The following CACNA1D variants were observed in gnomAD, a reference collection of about 807,000 sequenced individuals.
CACNA1D encodes the protein calcium voltage-gated channel subunit alpha1 D, also known as voltage-dependent L-type calcium channel subunit alpha-1D.
In CACNA1D, 55 loss-of-function variants were observed where a neutral mutation model predicts 257.1. The ratio of observed to expected loss-of-function variants is 0.21; its 90% CI spans 0.17 to 0.27. The LOEUF is 0.27. Among genes scored for constraint, CACNA1D ranks in the 10% least tolerant of loss-of-function variants. CACNA1D has a pLI of 1.00. For missense variants in CACNA1D, 1,876 were observed against 2,784.0 expected (o/e 0.67, Z 7.34); for synonymous variants, 980 against 1,014.9 (o/e 0.97, Z 0.65).
chr3:53,506,398 G>A (rs1255581291), intron 3 of CACNA1D, among the ~76,000 whole-genome samples: 1 of 152,160 alleles, frequency 6.6e-6, no homozygotes, highest in Admixed American at 6.5e-5. Context: ...TCTGCTCATG[G>A]GCTGTGGGGT....
At chr3:53,528,829 A>G (rs1163370549) in intron 3 of CACNA1D, among the ~76,000 whole-genome samples, 2 of 152,164 alleles carry the variant, frequency 1.3e-5, no homozygotes. Context: ...GTATATGGAA[A>G]CATGCTTGAT....
In CACNA1D at chr3:53,800,064, C is replaced by A. The variant is rs59191645; in HGVS notation, c.4924-185C>A. On this transcript the variant is annotated intron_variant, in intron 40 of 47. Transcript: ENST00000350061. The surrounding 1 kb of genome is among the most constrained non-coding windows in gnomAD (Gnocchi z 4.3). ...CATCCTACCTAGGACCTTCTTGACC[C>A]TCTGGATGCCTGACCATACCAACAA... The A allele has an allele frequency of 0.051, 35,499 of 698,990 alleles. 3,221 individuals are homozygous for A. Among genetic ancestry groups the A allele is most frequent in the African/African-American group, 0.31 (17,790 of 57,206 alleles). 43.3% of individuals were successfully genotyped at this position (698,990 alleles called of 1,614,324 possible). A position where few individuals can be genotyped will look rare whatever the true frequency, so the allele number is the denominator to read the frequency against.
At chr3:53,534,714 A>G (rs150352711) in intron 3 of CACNA1D, among the ~76,000 whole-genome samples, 1 of 151,814 alleles carries the variant, frequency 6.6e-6, no homozygotes, top group African/African-American at 2.4e-5. Context: ...ATTTCTTTTT[A>G]CTCCAAGCAT....
chr3:53,805,436 A>C (rs1185033304), intron 45 of CACNA1D, among the ~76,000 whole-genome samples: 1 of 152,158 alleles, frequency 6.6e-6, no homozygotes, highest in African/African-American at 2.4e-5. Flanking sequence ...TTTTGCATAC[A>C]TAGCATTGTC....
At chr3:53,698,311 A>G (rs1055418198) in intron 8 of CACNA1D, among the ~76,000 whole-genome samples, 3 of 152,234 alleles carry the variant, frequency 2.0e-5, no homozygotes, top group Non-Finnish European at 4.4e-5. Flanking sequence ...CTCACTGGCT[A>G]AATCCTGTAA....
intron 8 of CACNA1D, chr3:53,674,071 G>A (rs916365771): frequency 1.2e-5 from 7 of 570,122 alleles, no homozygotes; most frequent in South Asian, 6.0e-5. Context: ...GTATGTGAAC[G>A]TGTAGAGGTG....
intron 8 of CACNA1D, among the ~76,000 whole-genome samples, chr3:53,677,574 A>G (rs2094388880): frequency 6.6e-6 from 1 of 152,138 alleles, no homozygotes; most frequent in South Asian, 2.1e-4. Flanking sequence ...GAAATTCTGG[A>G]GTGTAGCATT....
At chr3:53,544,276 G>C (rs1318874329) in intron 3 of CACNA1D, among the ~76,000 whole-genome samples, 1 of 151,696 alleles carries the variant, frequency 6.6e-6, no homozygotes, top group Non-Finnish European at 1.5e-5. Context: ...ATCTATAAAG[G>C]GGCAAATTTT....
intron 3 of CACNA1D, among the ~76,000 whole-genome samples, chr3:53,516,904 C>T (rs979934682): frequency 7.2e-5 from 11 of 152,170 alleles, no homozygotes; most frequent in African/African-American, 2.7e-4. Context: ...GGTCTGTGGT[C>T]ACTTTCTTCA....
At chr3:53,646,201 G>C (rs1351037676) in intron 3 of CACNA1D, among the ~76,000 whole-genome samples, 1 of 152,158 alleles carries the variant, frequency 6.6e-6, no homozygotes, top group Non-Finnish European at 1.5e-5. Flanking sequence ...TGGGAAAGTT[G>C]GAAGAGGAAT....
intron 2 of CACNA1D, 36 bp downstream of exon 2, chr3:53,497,497 T>C: frequency 1.9e-6 from 3 of 1,595,470 alleles, no homozygotes; most frequent in Non-Finnish European, 2.6e-6. Context: ...TCTCATTTTC[T>C]CTTTTACCAT....
intron 3 of CACNA1D, among the ~76,000 whole-genome samples, chr3:53,545,513 G>A (rs1575817824): frequency 6.6e-6 from 1 of 152,238 alleles, no homozygotes; most frequent in African/African-American, 2.4e-5. Context: ...TTCAGGAGAG[G>A]TGATTCCCAG....
intron 3 of CACNA1D, among the ~76,000 whole-genome samples, chr3:53,514,003 C>T (rs1238337316): frequency 6.6e-6 from 1 of 152,126 alleles, no homozygotes; most frequent in Non-Finnish European, 1.5e-5. Context: ...GATGAAATTG[C>T]CTAACAATGC....
intron 3 of CACNA1D, among the ~76,000 whole-genome samples, chr3:53,555,459 T>TG: frequency 9.2e-6 from 1 of 109,016 alleles, no homozygotes; most frequent in South Asian, 2.5e-4. Flanking sequence ...TGTGTGTGTG[T>TG]GTTTTTTTTT....
At chr3:53,740,384 G>A in intron 21 of CACNA1D, 45 bp downstream of exon 21, 1 of 1,288,784 alleles carries the variant, frequency 7.8e-7, no homozygotes, top group East Asian at 2.3e-5. Flanking sequence ...AGCAGCTGGA[G>A]CAATAATAGT....
chr3:53,813,470 C>T lies in CACNA1D; in HGVS notation c.*2064C>T, dbSNP rs546594501. ...GTGCCAATGGTAACCTAATACCAGC[C>T]GCAGGGAGCGCCATTTCTCCTAAAG... is the stretch of plus-strand genomic sequence containing the variant. On this transcript the variant is annotated 3_prime_UTR_variant, in exon 48 of 48. Transcript: ENST00000350061. The T allele has an allele frequency of 1.5e-4, 23 of 152,284 alleles. No individual in the cohort carries two copies. Among genetic ancestry groups the T allele is most frequent in the Admixed American group, 2.0e-4 (3 of 15,300 alleles). 9.4% of individuals were successfully genotyped at this position (152,284 alleles called of 1,614,324 possible). A position where few individuals can be genotyped will look rare whatever the true frequency, so the allele number is the denominator to read the frequency against.
chr3:53,802,098 T>G, intron 42 of CACNA1D, 49 bp from the exon 43 acceptor site: 1 of 1,519,208 alleles, frequency 6.6e-7, no homozygotes, highest in Non-Finnish European at 9.1e-7. Flanking sequence ...TGGTTGGAAA[T>G]TAACTTTTAT....
intron 3 of CACNA1D, among the ~76,000 whole-genome samples, chr3:53,593,470 A>C (rs539869851): frequency 6.6e-6 from 1 of 152,300 alleles, no homozygotes; most frequent in African/African-American, 2.4e-5. Context: ...CAGATGTGTG[A>C]GTGGTAAATA....
intron 3 of CACNA1D, among the ~76,000 whole-genome samples, chr3:53,527,984 A>G (rs1428006437): frequency 1.3e-5 from 2 of 152,228 alleles, no homozygotes; most frequent in East Asian, 1.9e-4. Context: ...AATTAAAAGG[A>G]AAGACTTGAG....
Sources: allele counts gnomAD v4.1 joint callset (sites outside exome capture counted in the v4.1 genomes callset), GRCh38; gene constraint gnomAD v4.1.1; non-coding constraint Gnocchi (gnomAD v3.1); transcripts MANE v1.5; gene names NCBI Gene and HGNC (gene_info 2026-07-23, HGNC 2026-07-21).